Variants in HMCN2 observed in about 807,000 individuals in gnomAD.
HMCN2 encodes hemicentin-2.
HMCN2 carries 325 observed loss-of-function variants against 377.5 expected under a neutral mutation model. That is an observed-to-expected ratio of 0.86 (90% CI 0.79 to 0.94). The LOEUF is 0.94. HMCN2 is among the 40% of genes least tolerant of loss of function. The pLI, the probability that HMCN2 is intolerant of heterozygous loss-of-function variation, is 0.00. For synonymous variants in HMCN2, 2,007 were observed against 2,046.8 expected (o/e 0.98, Z 0.53); for missense variants, 4,543 against 4,725.3 (o/e 0.96, Z 1.13).
intron 85 of HMCN2, among the ~76,000 whole-genome samples, chr9:130,412,567 C>CTTTTTTTTTTTTTTTT (rs55873444): frequency 2.2e-5 from 3 of 134,528 alleles, no homozygotes; most frequent in East Asian, 2.2e-4. Flanking sequence ...CTTTCTTTCT[C>CTTTTTTTTTTTTTTTT]TTTTTTTTTT....
Position 130,428,143 on chromosome 9 carries a change from G to A in HMCN2, c.14066-215G>A, listed in dbSNP as rs1349431903. Among the ~76,000 whole-genome samples, 1 of 152,194 alleles carries A rather than the reference G, an allele frequency of 6.6e-6. No individual in the cohort carries two copies. Among genetic ancestry groups the A allele is most frequent in the Non-Finnish European group, 1.5e-5 (1 of 68,032 alleles). On this transcript the variant is annotated intron_variant, in intron 92 of 97. Coordinates refer to ENST00000683500, the MANE Select transcript of HMCN2 (RefSeq NM_001291815.2). This position sits in a 1 kb window ranked among gnomAD's most constrained non-coding sequence, Gnocchi z 5.0. ...TGTCTGCAGCCTTGCATTGGAAGCTGCAGGCCCAAGGACTCGGGTCCCTTG... is the reference window on the plus strand; with the variant it reads ...TGTCTGCAGCCTTGCATTGGAAGCTACAGGCCCAAGGACTCGGGTCCCTTG...
chr9:130,292,781 T>A (rs1403488069), intron 4 of HMCN2, among the ~76,000 whole-genome samples: 1 of 152,224 alleles, frequency 6.6e-6, no homozygotes, highest in Non-Finnish European at 1.5e-5. Flanking sequence ...CTTCTTTGTT[T>A]TATGGAATAA....
chr9:130,395,421 A>G (rs1021071880), intron 71 of HMCN2, 74 bp downstream of exon 71: 2 of 1,197,558 alleles, frequency 1.7e-6, no homozygotes, highest in Admixed American at 3.3e-5. Flanking sequence ...GGCCGGATCC[A>G]AGATCCAGAG....
At chr9:130,410,705 C>A in intron 85 of HMCN2, 53 bp downstream of exon 85, 1 of 1,486,526 alleles carries the variant, frequency 6.7e-7, no homozygotes. Context: ...TCGGGGACAG[C>A]GGTGGCGTGT....
intron 1 of HMCN2, among the ~76,000 whole-genome samples, chr9:130,281,332 A>G (rs540956600): frequency 4.5e-4 from 69 of 152,224 alleles, no homozygotes; most frequent in African/African-American, 1.6e-3. Flanking sequence ...AAATGTGGGT[A>G]AGACTTGGAC....
At chr9:130,289,947 G>T (rs75783855) in intron 4 of HMCN2, among the ~76,000 whole-genome samples, 2 of 152,148 alleles carry the variant, frequency 1.3e-5, no homozygotes, top group South Asian at 2.1e-4. Context: ...TTCCTCAGCC[G>T]CCCTGGCTGT....
At chr9:130,419,303 G>A (rs1588432401) in intron 86 of HMCN2, 2 of 364,966 alleles carry the variant, frequency 5.5e-6, no homozygotes, top group Non-Finnish European at 9.8e-6. Flanking sequence ...CATGTCCTCT[G>A]TCTGGACACT....
chr9:130,433,280 TACGCGGATGGGCC>T, intron 97 of HMCN2, 55 bp from the exon 98 acceptor site: 1 of 1,275,500 alleles, frequency 7.8e-7, no homozygotes, highest in South Asian at 1.7e-5. Context: ...AGGTCTGAGT[TACGCGGATGGGCC>T]ACGCTCCGAC....
At chr9:130,377,412 A>G (rs1216477489) in intron 52 of HMCN2, among the ~76,000 whole-genome samples, 2 of 152,226 alleles carry the variant, frequency 1.3e-5, no homozygotes, top group Admixed American at 6.5e-5. Context: ...GCGCCCAGCC[A>G]TATTTTTAAT....
intron 1 of HMCN2, among the ~76,000 whole-genome samples, chr9:130,274,799 C>A (rs1322015786): frequency 6.6e-6 from 1 of 152,116 alleles, no homozygotes; most frequent in African/African-American, 2.4e-5. Flanking sequence ...ATATCTCTTC[C>A]TGTCAGGAAA....
chr9:130,409,614 G>T (rs1489955875), intron 84 of HMCN2, among the ~76,000 whole-genome samples: 1 of 152,192 alleles, frequency 6.6e-6, no homozygotes, highest in Non-Finnish European at 1.5e-5. Flanking sequence ...TGTTACCCAA[G>T]TACTAACTGT....
chr9:130,365,713 A>T lies in HMCN2; in HGVS notation c.6491A>T (p.Asn2164Ile), dbSNP rs900454739. The T allele has an allele frequency of 4.4e-5, 43 of 985,492 alleles. No individual in the cohort carries two copies. The highest frequency in any genetic ancestry group is 5.1e-5 in the Non-Finnish European group (42 of 829,712). 61.0% of individuals were successfully genotyped at this position (985,492 alleles called of 1,614,324 possible). The change falls in exon 42 of 98, where the codon AAT becomes ATT. Residue 2164 changes from asparagine (N) to isoleucine (I), a missense_variant. Physicochemically the swap from Asn to Ile is moderately radical, Grantham distance 149. Around this residue, in one of 5 missense-constraint regions of HMCN2, gnomAD observed 1,032 missense variants for 1,285.1 expected, o/e 0.80. Coordinates refer to ENST00000683500, the MANE Select transcript of HMCN2 (RefSeq NM_001291815.2). The stretch of plus-strand genomic sequence containing the variant: ...GCCGGCCACTCAGAGAAACACTACA[A>T]TCTGAACGTCTGGGGTGAGGGTCTC... ...NQAGHSEKHY[N>I]LNVWVAPVFP...
chr9:130,327,083 G>C (rs1838175524), intron 21 of HMCN2, among the ~76,000 whole-genome samples: 1 of 152,106 alleles, frequency 6.6e-6, no homozygotes, highest in East Asian at 1.9e-4. Context: ...GCAAGGTGGT[G>C]GTGGGGAGGT....
At position 130,414,471 on chromosome 9, in the gene HMCN2, G is replaced by A. The variant is rs1843584840; in HGVS notation, c.12961+3819G>A. On this transcript the variant is annotated intron_variant, in intron 85 of 97. Transcript: ENST00000683500. The surrounding 1 kb of genome is among the most constrained non-coding windows in gnomAD (Gnocchi z 4.4). ...AAACGGAAGATTTAAATAAAAATCCGAGTCTTACAATACTGAAACTCACTT... is the reference window on the plus strand; with the variant it reads ...AAACGGAAGATTTAAATAAAAATCCAAGTCTTACAATACTGAAACTCACTT... Among the ~76,000 whole-genome samples, 1 of 152,118 alleles carries A rather than the reference G, an allele frequency of 6.6e-6. No homozygotes were observed.
chr9:130,266,549 A>C (rs781882490), intron 1 of HMCN2, among the ~76,000 whole-genome samples: 1 of 152,198 alleles, frequency 6.6e-6, no homozygotes, highest in Non-Finnish European at 1.5e-5. Context: ...CCTTTGGCCA[A>C]TTCTTAGAAT....
chr9:130,429,816 A>C (rs1295837691), intron 94 of HMCN2, 131 bp downstream of exon 94: 1 of 1,415,576 alleles, frequency 7.1e-7, no homozygotes, highest in African/African-American at 1.5e-5. Context: ...TCAGGGGCTG[A>C]GGGTGTCTAA....
intron 90 of HMCN2, among the ~76,000 whole-genome samples, chr9:130,426,907 C>T (rs1213787220): frequency 6.6e-6 from 1 of 152,150 alleles, no homozygotes; most frequent in African/African-American, 2.4e-5. Flanking sequence ...TCCTTCCTGC[C>T]TCCAGAACCC....
chr9:130,399,273 A>G (rs1252968600), intron 75 of HMCN2, among the ~76,000 whole-genome samples: 1 of 151,330 alleles, frequency 6.6e-6, no homozygotes, highest in East Asian at 1.9e-4. Flanking sequence ...AAAAAAAAGA[A>G]TGTCCATTTT....
At chr9:130,408,091 C>T (rs1564866245) in intron 83 of HMCN2, among the ~76,000 whole-genome samples, 1 of 152,230 alleles carries the variant, frequency 6.6e-6, no homozygotes, top group Non-Finnish European at 1.5e-5. Context: ...CAGTTGTCCC[C>T]TATGACCTAC....
Sources: allele counts gnomAD v4.1 joint callset (sites outside exome capture counted in the v4.1 genomes callset), GRCh38; gene constraint gnomAD v4.1.1; regional missense constraint gnomAD v4.1.1; non-coding constraint Gnocchi (gnomAD v3.1); transcripts MANE v1.5; gene names NCBI Gene and HGNC (gene_info 2026-07-23, HGNC 2026-07-21).